The following CTBP1 variants were observed in gnomAD, a reference collection of about 807,000 sequenced individuals.
CTBP1 encodes C-terminal-binding protein 1.
Under a neutral mutation model 42.1 loss-of-function variants are expected in CTBP1, and 11 were observed. The observed-to-expected ratio is 0.26, with a 90% CI of 0.16 to 0.43. CTBP1 has a LOEUF of 0.43. Among genes scored for constraint, CTBP1 ranks in the 20% least tolerant of loss-of-function variants. The probability of loss-of-function intolerance (pLI) is 1.00; values close to 1 mark genes in which losing one functional copy is unlikely to be tolerated. For synonymous variants in CTBP1, 324 were observed against 277.1 expected, an observed-to-expected ratio of 1.17 and a Z score of -1.68; for missense variants, 399 against 624.3, an observed-to-expected ratio of 0.64 and a Z score of 3.85.
chr4:1,239,386 A>C (rs927796711), intron 2 of CTBP1, among the ~76,000 whole-genome samples: 1 of 152,188 alleles, frequency 6.6e-6, no homozygotes, highest in African/African-American at 2.4e-5. Context: ...GAGACCAAGC[A>C]GTACCCAGGA....
Position 1,233,555 on chromosome 4 carries a change from G to C in CTBP1, c.162+4628C>G, listed in dbSNP as rs1444889114. ...CTTCCTTTTTCTTGCTCAGCAGTTTGATCAGATGTGCAGTGCTGGGCTGAA... is the reference window on the plus strand; with the variant it reads ...CTTCCTTTTTCTTGCTCAGCAGTTTCATCAGATGTGCAGTGCTGGGCTGAA... On this transcript the variant is annotated intron_variant, in intron 3 of 9. Coordinates refer to ENST00000382952, the MANE Select transcript of CTBP1 (RefSeq NM_001012614.2). The surrounding 1 kb of genome is among the most constrained non-coding windows in gnomAD (Gnocchi z 4.6). 6.6e-6 allele frequency among the ~76,000 whole-genome samples: 1 copy of C among 152,114 alleles called. No individual in the cohort carries two copies. The highest frequency in any genetic ancestry group is 1.5e-5 in the Non-Finnish European group (1 of 68,018).
intron 5 of CTBP1, among the ~76,000 whole-genome samples, chr4:1,224,427 G>A (rs1730098069): frequency 6.6e-6 from 1 of 151,092 alleles, no homozygotes; most frequent in African/African-American, 2.4e-5. Context: ...GAGGCTGTGT[G>A]TACTGTGACA....
intron 5 of CTBP1, among the ~76,000 whole-genome samples, chr4:1,220,640 G>C (rs1285998977): frequency 6.6e-6 from 1 of 152,268 alleles, no homozygotes; most frequent in African/African-American, 2.4e-5. Flanking sequence ...CGTCACATGG[G>C]AGGAAAGGGA....
Position 1,238,473 on chromosome 4 carries a change from G to A in CTBP1, c.8-136C>T. On this transcript the variant is annotated intron_variant, in intron 2 of 9. Transcript: ENST00000382952. The surrounding 1 kb of genome is among the most constrained non-coding windows in gnomAD (Gnocchi z 5.9). ...TTCTGGTCTATATGTTGTGATATTT[G>A]TAAAAAGTAAATTAAAAATCCACGT... The A allele has an allele frequency of 3.7e-6, 4 of 1,075,360 alleles. No individual in the cohort carries two copies. The highest frequency in any genetic ancestry group is 2.0e-5 in the South Asian group (1 of 51,018). 66.6% of individuals were successfully genotyped at this position (1,075,360 alleles called of 1,614,324 possible). A position where few individuals can be genotyped will look rare whatever the true frequency, so the allele number is the denominator to read the frequency against.
chr4:1,218,093 G>A (rs1479326575), intron 5 of CTBP1: 1 of 152,178 alleles, frequency 6.6e-6, no homozygotes, highest in Admixed American at 6.5e-5. Flanking sequence ...CAGAAGCAGA[G>A]AGAAAAGAAT....
intron 5 of CTBP1, among the ~76,000 whole-genome samples, chr4:1,225,135 T>C (rs1027047055): frequency 2.0e-5 from 3 of 152,038 alleles, no homozygotes; most frequent in Non-Finnish European, 4.4e-5. Context: ...ACGTTATCTG[T>C]GTGTGCCTGT....
intron 1 of CTBP1, chr4:1,243,918 T>C (rs376760770): frequency 4.1e-6 from 4 of 985,412 alleles, no homozygotes; most frequent in Non-Finnish European, 4.8e-6. Flanking sequence ...TAACCTCATG[T>C]TGTAAGAAAG....
chr4:1,245,116 C>G (rs1465632914), intron 1 of CTBP1: 1 of 985,334 alleles, frequency 1.0e-6, no homozygotes, highest in Non-Finnish European at 1.2e-6. Context: ...CGACAGCACC[C>G]CAGACAGACA....
At chr4:1,240,736 T>A (rs1286349394) in intron 2 of CTBP1, among the ~76,000 whole-genome samples, 3 of 152,118 alleles carry the variant, frequency 2.0e-5, no homozygotes, top group Non-Finnish European at 4.4e-5. Flanking sequence ...AGGTGCCTCC[T>A]CACATCACCC....
chr4:1,230,148 C>T (rs1730809361), intron 3 of CTBP1, among the ~76,000 whole-genome samples: 1 of 152,180 alleles, frequency 6.6e-6, no homozygotes, highest in Non-Finnish European at 1.5e-5. Flanking sequence ...GGGGTGACCC[C>T]TGGTGCACCA....
At chr4:1,228,808 A>G (rs1294548621) in intron 3 of CTBP1, among the ~76,000 whole-genome samples, 1 of 152,166 alleles carries the variant, frequency 6.6e-6, no homozygotes, top group East Asian at 1.9e-4. Flanking sequence ...AGGCCCGGGG[A>G]TGCAGGTAGA....
At chr4:1,250,328 G>A (rs780883991), upstream of CTBP1, 1 of 274,772 alleles carries the variant, frequency 3.6e-6, no homozygotes, top group South Asian at 3.7e-5. Context: ...CTGCCGAGCT[G>A]TGGCCTGGAG....
At chr4:1,221,814 T>C (rs148963989) in intron 5 of CTBP1, 80 of 446,522 alleles carry the variant, frequency 1.8e-4, no homozygotes, top group Non-Finnish European at 3.2e-4. Context: ...ATGGGGTGAA[T>C]GTGTACAATG....
intron 3 of CTBP1, among the ~76,000 whole-genome samples, chr4:1,230,424 C>G (rs983681974): frequency 6.6e-6 from 1 of 152,216 alleles, no homozygotes; most frequent in Non-Finnish European, 1.5e-5. Context: ...GAAGCTTCGT[C>G]GGCACCCACT....
At chr4:1,234,760 T>C (rs1731312036) in intron 3 of CTBP1, 6 of 152,202 alleles carry the variant, frequency 3.9e-5, no homozygotes, top group Admixed American at 3.9e-4. Context: ...GAGAAAACCG[T>C]ACCTAACAAA....
At chr4:1,244,220 C>T (rs1462334801) in intron 1 of CTBP1, 9 of 985,162 alleles carry the variant, frequency 9.1e-6, no homozygotes, top group Middle Eastern at 5.2e-4. Flanking sequence ...CTGCCCACTC[C>T]GCCCCGATCC....
intron 1 of CTBP1, chr4:1,243,168 C>G: frequency 1.0e-6 from 1 of 985,466 alleles, no homozygotes; most frequent in Non-Finnish European, 1.2e-6. Context: ...CAGCATGGCA[C>G]CAGCCGCTGC....
At chr4:1,224,315 T>C (rs1430715854) in intron 5 of CTBP1, among the ~76,000 whole-genome samples, 2 of 152,112 alleles carry the variant, frequency 1.3e-5, no homozygotes, top group Non-Finnish European at 2.9e-5. Flanking sequence ...CCCATGTGTG[T>C]GCTGCGATGT....
intron 1 of CTBP1, among the ~76,000 whole-genome samples, chr4:1,248,493 C>A (rs1038083107): frequency 6.6e-6 from 1 of 150,720 alleles, no homozygotes; most frequent in African/African-American, 2.4e-5. Flanking sequence ...GCGCACGGCT[C>A]CCGCCCCATC....
Sources: gnomAD v4.1 joint callset for allele counts (sites outside exome capture counted in the v4.1 genomes callset) on GRCh38, gnomAD v4.1.1 for gene constraint, Gnocchi (gnomAD v3.1) non-coding constraint, MANE v1.5 for transcripts, NCBI Gene and HGNC (gene_info 2026-07-23, HGNC 2026-07-21) for gene names.